Variants in ADAMTSL1 observed in about 807,000 individuals in gnomAD.
ADAMTSL1 encodes ADAMTS-like protein 1.
Under a neutral mutation model 201.8 loss-of-function variants are expected in ADAMTSL1, and 126 were observed. The observed-to-expected ratio is 0.62, with a 90% CI of 0.54 to 0.72. The LOEUF is 0.72. Among genes scored for constraint, ADAMTSL1 ranks in the 30% least tolerant of loss-of-function variants. The pLI, the probability that ADAMTSL1 is intolerant of heterozygous loss-of-function variation, is 0.00. For missense variants in ADAMTSL1, 2,679 were observed against 2,277.8 expected, an observed-to-expected ratio of 1.18 and a Z score of -3.59; for synonymous variants, 1,121 against 903.4, an observed-to-expected ratio of 1.24 and a Z score of -4.32.
chr9:18,307,528 A>T (rs1833955798), intron 2 of ADAMTSL1, among the ~76,000 whole-genome samples: 1 of 152,172 alleles, frequency 6.6e-6, no homozygotes, highest in Non-Finnish European at 1.5e-5. Context: ...AACCAAAAAA[A>T]AGCAGGGGTT....
intron 1 of ADAMTSL1, among the ~76,000 whole-genome samples, chr9:18,134,863 G>C (rs1264978217): frequency 1.3e-5 from 2 of 152,168 alleles, no homozygotes; most frequent in African/African-American, 2.4e-5. Context: ...AGCCAATTCT[G>C]AAGACTTGTT....
At position 18,892,599 on chromosome 9, in the gene ADAMTSL1, G is replaced by A. The variant is rs753422412; in HGVS notation, c.4851+3G>A. On this transcript the variant is annotated splice_donor_region_variant and intron_variant, in intron 26 of 28. Coordinates refer to ENST00000380548, the MANE Select transcript of ADAMTSL1 (RefSeq NM_001040272.6). ...GGGCCTTCTCCAGCTGGGGCCAGGT[G>A]AGGAGCCAGAGAGGTTGTTATTTGA... The A allele has an allele frequency of 2.6e-6, 4 of 1,554,386 alleles. No individual in the cohort carries two copies. The highest frequency in any genetic ancestry group is 3.5e-6 in the Non-Finnish European group (4 of 1,148,682).
At chr9:18,290,769 C>CTTT (rs1345749640) in intron 2 of ADAMTSL1, among the ~76,000 whole-genome samples, 107 of 82,720 alleles carry the variant, frequency 1.3e-3, no homozygotes, top group Non-Finnish European at 2.0e-3. Flanking sequence ...TGAAAGCTGG[C>CTTT]TTTTTTTGTG....
intron 4 of ADAMTSL1, among the ~76,000 whole-genome samples, chr9:18,579,754 G>A (rs1205115611): frequency 6.6e-6 from 1 of 152,118 alleles, no homozygotes; most frequent in African/African-American, 2.4e-5. Flanking sequence ...CTGATCCAGG[G>A]CAGTGAATTG....
At chr9:18,345,572 A>G (rs950454871) in intron 2 of ADAMTSL1, among the ~76,000 whole-genome samples, 4 of 152,198 alleles carry the variant, frequency 2.6e-5, no homozygotes, top group Admixed American at 6.5e-5. Flanking sequence ...ACAGAATGCT[A>G]TAAAGAGTAT....
At chr9:18,404,649 C>T (rs943089220) in intron 2 of ADAMTSL1, among the ~76,000 whole-genome samples, 1 of 152,148 alleles carries the variant, frequency 6.6e-6, no homozygotes, top group Non-Finnish European at 1.5e-5. Context: ...AGTTTTTCTC[C>T]TCTCTCACCA....
chr9:18,026,814 G>T (rs955436141), intron 1 of ADAMTSL1, among the ~76,000 whole-genome samples: 2 of 152,000 alleles, frequency 1.3e-5, no homozygotes, highest in East Asian at 1.9e-4. Flanking sequence ...GGTAGAATTC[G>T]GCTGTGAATC....
chr9:18,346,829 C>T (rs560812427), intron 2 of ADAMTSL1, among the ~76,000 whole-genome samples: 2 of 152,278 alleles, frequency 1.3e-5, no homozygotes, highest in East Asian at 3.9e-4. Context: ...CACCCTGCCT[C>T]TTCTGAACTC....
chr9:18,146,824 T>A (rs10963477), intron 1 of ADAMTSL1, among the ~76,000 whole-genome samples: 39,336 of 152,050 alleles, frequency 0.26, 5,710 homozygotes, highest in Non-Finnish European at 0.33. Context: ...TTGAAAAATA[T>A]TACAAGAATG....
At chr9:18,033,054 A>G (rs964369324) in intron 1 of ADAMTSL1, among the ~76,000 whole-genome samples, 1 of 152,192 alleles carries the variant, frequency 6.6e-6, no homozygotes, top group African/African-American at 2.4e-5. Context: ...CTAGTTAGCC[A>G]TCTTGTCCCT....
At chr9:18,567,588 T>G (rs75481319) in intron 3 of ADAMTSL1, among the ~76,000 whole-genome samples, 2,131 of 152,268 alleles carry the variant, frequency 0.014, 54 homozygotes, top group African/African-American at 0.049. Flanking sequence ...ATGATGAGTT[T>G]CCAGTGTCTT....
intron 20 of ADAMTSL1, among the ~76,000 whole-genome samples, chr9:18,796,088 G>A (rs1822401679): frequency 6.6e-6 from 1 of 152,188 alleles, no homozygotes; most frequent in African/African-American, 2.4e-5. Context: ...TGCACATGGT[G>A]ACTTAAGAAC....
chr9:18,111,929 G>A (rs1017847761), intron 1 of ADAMTSL1, among the ~76,000 whole-genome samples: 29 of 152,116 alleles, frequency 1.9e-4, no homozygotes, highest in African/African-American at 6.0e-4. Flanking sequence ...ATTTTTTTAA[G>A]CATCTAATGG....
rs1232813782 is a variant in ADAMTSL1, at chr9:18,779,953, A to AGGGAAAAGAT, written c.3677+2050_3677+2059dup. Among the ~76,000 whole-genome samples the AGGGAAAAGAT allele has an allele frequency of 6.6e-5, 10 of 152,312 alleles. No individual in the cohort carries two copies. The East Asian group carries it at 1.9e-3, about 29-fold the overall frequency. On this transcript the variant is annotated intron_variant, in intron 19 of 28. Coordinates refer to ENST00000380548, the MANE Select transcript of ADAMTSL1 (RefSeq NM_001040272.6). ...GAAGGGAATCACGACTGGCTGCATG[A>AGGGAAAAGAT]GGGAAAAGATGGAAATTAACATCTT...
chr9:18,177,947 T>G (rs1227972939), intron 2 of ADAMTSL1, among the ~76,000 whole-genome samples: 1 of 152,152 alleles, frequency 6.6e-6, no homozygotes, highest in African/African-American at 2.4e-5. Context: ...AATACAAAAT[T>G]CACTTGCCAG....
At chr9:18,626,268 C>T (rs915960989) in intron 5 of ADAMTSL1, among the ~76,000 whole-genome samples, 1 of 152,102 alleles carries the variant, frequency 6.6e-6, no homozygotes, top group African/African-American at 2.4e-5. Flanking sequence ...CAAACCAGAG[C>T]AGGAGAACAG....
At chr9:18,182,980 G>A (rs1446624449) in intron 2 of ADAMTSL1, among the ~76,000 whole-genome samples, 1 of 152,140 alleles carries the variant, frequency 6.6e-6, no homozygotes, top group Non-Finnish European at 1.5e-5. Flanking sequence ...CTAGTAATAA[G>A]GTGTTACTGG....
chr9:18,789,559 A>T (rs1821904210), intron 19 of ADAMTSL1, among the ~76,000 whole-genome samples: 2 of 152,248 alleles, frequency 1.3e-5, no homozygotes, highest in Non-Finnish European at 2.9e-5. Context: ...TTAGTGTGCC[A>T]GCACTATGCT....
At chr9:18,401,974 A>T (rs1268113657) in intron 2 of ADAMTSL1, among the ~76,000 whole-genome samples, 2 of 152,222 alleles carry the variant, frequency 1.3e-5, no homozygotes, top group Admixed American at 1.3e-4. Context: ...CTCATATCGC[A>T]GAGTCAATTA....
Sources: gnomAD v4.1 joint callset for allele counts (sites outside exome capture counted in the v4.1 genomes callset) on GRCh38, gnomAD v4.1.1 for gene constraint, MANE v1.5 for transcripts, NCBI Gene and HGNC (gene_info 2026-07-23, HGNC 2026-07-21) for gene names.